The following RAD54L2 variants were observed in gnomAD, a reference collection of about 807,000 sequenced individuals.
RAD54L2 encodes the protein RAD54 like 2.
RAD54L2 carries 27 observed loss-of-function variants against 138.4 expected under a neutral mutation model. The ratio of observed to expected loss-of-function variants is 0.20; its 90% confidence interval spans 0.14 to 0.27. The LOEUF (loss-of-function observed/expected upper bound fraction) is 0.27, where lower values mean the gene tolerates loss of function less well. Among genes scored for constraint, RAD54L2 ranks in the 10% least tolerant of loss-of-function variants. RAD54L2 has a pLI of 1.00. For missense variants in RAD54L2, 1,396 were observed against 1,890.2 expected (o/e 0.74, Z 4.85); for synonymous variants, 644 against 723.2 (o/e 0.89, Z 1.76).
At chr3:51,549,634 C>T (rs1014127821) in intron 2 of RAD54L2, among the ~76,000 whole-genome samples, 3 of 152,038 alleles carry the variant, frequency 2.0e-5, no homozygotes, top group Non-Finnish European at 2.9e-5. Flanking sequence ...AAAAATTAGC[C>T]AGACGAGGTG....
intron 3 of RAD54L2, among the ~76,000 whole-genome samples, chr3:51,622,749 G>A (rs1281794701): frequency 1.3e-5 from 2 of 152,202 alleles, no homozygotes; most frequent in African/African-American, 4.8e-5. Context: ...GTTGACTTCT[G>A]TACCAGCATC....
In RAD54L2 at chr3:51,639,492, T is replaced by C. The variant is rs1701071348; in HGVS notation, c.1934T>C (p.Val645Ala). The change falls in exon 13 of 23, where the codon GTG (valine) becomes GCG (alanine). Residue 645 changes from valine to alanine, a missense_variant. Val to Ala is a moderately conservative substitution (Grantham distance 64). This residue lies in a region of RAD54L2 where 211 missense variants were observed against 273.8 expected (regional missense o/e 0.77). Transcript: ENST00000684192. Reference protein sequence around the residue: ...ESLANEQDLDVEELGSAGTSA... With the variant: ...ESLANEQDLDAEELGSAGTSA... ...TTGGCCAATGAGCAGGACCTAGACGTGGAAGAACTTGGCTCTGCAGGGACC... is the reference window on the plus strand; with the variant it reads ...TTGGCCAATGAGCAGGACCTAGACGCGGAAGAACTTGGCTCTGCAGGGACC... 1 of 1,613,944 alleles carries C rather than the reference T, an allele frequency of 6.2e-7. No homozygotes were observed. The highest frequency in any genetic ancestry group is 2.2e-5 in the East Asian group (1 of 44,874).
chr3:51,659,498 G>C (rs962476149), intron 21 of RAD54L2, among the ~76,000 whole-genome samples: 2 of 152,200 alleles, frequency 1.3e-5, no homozygotes, highest in Admixed American at 6.5e-5. Context: ...ACATACCCAA[G>C]GCTGAAGAGA....
At chr3:51,595,657 A>C (rs996865421) in intron 3 of RAD54L2, among the ~76,000 whole-genome samples, 2 of 152,326 alleles carry the variant, frequency 1.3e-5, no homozygotes, top group East Asian at 3.9e-4. Flanking sequence ...TCTTCAAACC[A>C]ACCTTCAAGT....
At chr3:51,586,358 T>C (rs998939364) in intron 2 of RAD54L2, among the ~76,000 whole-genome samples, 2 of 151,916 alleles carry the variant, frequency 1.3e-5, no homozygotes, top group Non-Finnish European at 2.9e-5. Flanking sequence ...GCTCAAGCAA[T>C]TCCCCCACCA....
intron 3 of RAD54L2, among the ~76,000 whole-genome samples, chr3:51,606,019 G>C (rs146323665): frequency 6.6e-6 from 1 of 152,296 alleles, no homozygotes; most frequent in Non-Finnish European, 1.5e-5. Flanking sequence ...AAGAAGGAGA[G>C]AGCATCAGCA....
intron 3 of RAD54L2, among the ~76,000 whole-genome samples, chr3:51,615,467 T>C (rs942661970): frequency 3.3e-5 from 5 of 152,256 alleles, no homozygotes; most frequent in Non-Finnish European, 7.3e-5. Flanking sequence ...CAGTGGATTT[T>C]TTATTCATAC....
At chr3:51,572,196 C>T (rs1699351912) in intron 2 of RAD54L2, among the ~76,000 whole-genome samples, 1 of 152,162 alleles carries the variant, frequency 6.6e-6, no homozygotes, top group South Asian at 2.1e-4. Flanking sequence ...CGCCAATAAT[C>T]TAAGCACTTT....
At position 51,635,574 on chromosome 3, in the gene RAD54L2, T is replaced by C. The variant is rs1411988094; in HGVS notation, c.1143-19T>C. 2.5e-6 allele frequency: 4 copies of C among 1,580,804 alleles called. No homozygotes were observed. The African/African-American group carries it at 4.1e-5, about 16-fold the overall frequency. On this transcript the variant is annotated intron_variant, in intron 9 of 22. Coordinates refer to ENST00000684192, the MANE Select transcript of RAD54L2 (RefSeq NM_015106.4). The stretch of plus-strand genomic sequence containing the variant: ...GATATAATTCACATCTCACACAATT[T>C]TCTCTGTTCATCTTGCAGGACGATG...
intron 3 of RAD54L2, among the ~76,000 whole-genome samples, chr3:51,596,491 T>A (rs1326831820): frequency 6.6e-6 from 1 of 152,142 alleles, no homozygotes; most frequent in Non-Finnish European, 1.5e-5. Context: ...GAATTTAATA[T>A]GTTTTCTTTG....
Position 51,646,618 on chromosome 3 carries a change from G to A in RAD54L2, c.3026+137G>A. ...ATTGACAGGCTCTGCTCTAGGGTAG[G>A]TGTGAAAGCAGTTCAGTAGCCCTGG... On this transcript the variant is annotated intron_variant, in intron 19 of 22. Transcript: ENST00000684192. 1.4e-5 allele frequency: 13 copies of A among 959,530 alleles called. No individual in the cohort carries two copies. The South Asian group carries it at 2.1e-4, about 15-fold the overall frequency. 59.4% of individuals were successfully genotyped at this position (959,530 alleles called of 1,614,324 possible).
chr3:51,625,343 G>A (rs1249638483), intron 3 of RAD54L2, among the ~76,000 whole-genome samples: 9 of 152,094 alleles, frequency 5.9e-5, no homozygotes, highest in East Asian at 1.9e-4. Context: ...GCTTGAACCC[G>A]GGAGGCGGAG....
chr3:51,600,738 G>A (rs1440814491), intron 3 of RAD54L2, among the ~76,000 whole-genome samples: 1 of 152,178 alleles, frequency 6.6e-6, no homozygotes. Context: ...AGGCCAAGGC[G>A]CATAGATCAC....
chr3:51,585,379 AATG>A (rs1699688224), intron 2 of RAD54L2, among the ~76,000 whole-genome samples: 1 of 152,140 alleles, frequency 6.6e-6, no homozygotes. Flanking sequence ...GCTGCCTCAC[AATG>A]ATGAGGCAGC....
Position 51,663,081 on chromosome 3 carries a change from C to G in RAD54L2, c.4065C>G (p.Ser1355=). The change falls in exon 23 of 23, where the codon TCC becomes TCG. Residue 1355 remains serine (S), a synonymous_variant. Transcript: ENST00000684192. Reference sequence around the variant, plus strand: ...TGGTGCCAGCAGGCCCCGTCAGTTCCTCTTCCACGGCTACCTCAGTCACTG... The same window carrying G: ...TGGTGCCAGCAGGCCCCGTCAGTTCGTCTTCCACGGCTACCTCAGTCACTG... ...DPLVPAGPVS[S]SSTATSVTAS... The G allele has an allele frequency of 6.2e-7, 1 of 1,613,978 alleles. No homozygotes were observed. Among genetic ancestry groups the G allele is most frequent in the Non-Finnish European group, 8.5e-7 (1 of 1,179,878 alleles).
chr3:51,590,365 A>C lies in RAD54L2; in HGVS notation c.-54-2A>C. 6.8e-7 allele frequency: 1 copy of C among 1,462,054 alleles called. No individual in the cohort carries two copies. The highest frequency in any genetic ancestry group is 9.1e-7 in the Non-Finnish European group (1 of 1,103,530). The allele number at this position is 1,462,054 out of a possible 1,614,324, so 90.6% of individuals were successfully genotyped here. A position where few individuals can be genotyped will look rare whatever the true frequency, so the allele number is the denominator to read the frequency against. ...ATTCTGATGCCTTTCATCCTCTCCT[A>C]GCACCCCTGCAGTGGACCATGAGTC... is the stretch of plus-strand genomic sequence containing the variant. On this transcript the variant is annotated splice_acceptor_variant, in intron 2 of 22. Coordinates refer to ENST00000684192, the MANE Select transcript of RAD54L2 (RefSeq NM_015106.4). LOFTEE classifies it low-confidence loss of function (5UTR_SPLICE).
At chr3:51,589,288 C>G (rs1699783032) in intron 2 of RAD54L2, among the ~76,000 whole-genome samples, 3 of 152,144 alleles carry the variant, frequency 2.0e-5, no homozygotes, top group African/African-American at 7.2e-5. Context: ...CCTAGCTACT[C>G]AGGAGGTCTT....
At chr3:51,540,581 A>C (rs1481049764) in intron 1 of RAD54L2, among the ~76,000 whole-genome samples, 1 of 152,256 alleles carries the variant, frequency 6.6e-6, no homozygotes, top group Non-Finnish European at 1.5e-5. Flanking sequence ...AAACAGTATC[A>C]GAATCATTGT....
intron 2 of RAD54L2, among the ~76,000 whole-genome samples, chr3:51,546,093 C>T (rs924325099): frequency 9.9e-5 from 15 of 151,548 alleles, no homozygotes; most frequent in Middle Eastern, 3.4e-3. Context: ...TATGTGCCAC[C>T]GCACCTGGCT....
Sources: allele counts gnomAD v4.1 joint callset (sites outside exome capture counted in the v4.1 genomes callset), GRCh38; gene constraint gnomAD v4.1.1; regional missense constraint gnomAD v4.1.1; transcripts MANE v1.5; gene names NCBI Gene and HGNC (gene_info 2026-07-23, HGNC 2026-07-21).